The following PKD1L3 variants were observed in gnomAD, a reference collection of about 807,000 sequenced individuals.
The protein encoded by PKD1L3 is polycystin-1-like protein 3.
In PKD1L3, 239 loss-of-function variants were observed where a neutral mutation model predicts 184.1. The observed-to-expected ratio is 1.30, with a 90% CI of 1.17 to 1.45. PKD1L3 has a LOEUF of 1.45. PKD1L3 is among the 40% of genes most tolerant of loss of function. PKD1L3 has a pLI of 0.00. For missense variants in PKD1L3, 2,660 were observed against 2,067.2 expected (o/e 1.29, Z -5.56); for synonymous variants, 996 against 778.8 (o/e 1.28, Z -4.64).
intron 11 of PKD1L3, among the ~76,000 whole-genome samples, chr16:71,975,415 T>C (rs1486365110): frequency 6.6e-6 from 1 of 152,142 alleles, no homozygotes; most frequent in East Asian, 1.9e-4. Context: ...TAAACTACAA[T>C]ACATTCATTC....
intron 17 of PKD1L3, among the ~76,000 whole-genome samples, chr16:71,953,788 T>A (rs984485189): frequency 1.3e-5 from 2 of 151,884 alleles, no homozygotes; most frequent in South Asian, 4.2e-4. Flanking sequence ...CAGCAAGTCC[T>A]CCCCCCGCCC....
chr16:71,944,061 C>A lies in PKD1L3; in HGVS notation c.3828G>T (p.Lys1276Asn), dbSNP rs1180601161. Reference protein sequence around the residue: ...TKHPERTLKKKKLFKLTGDIL... With the variant: ...TKHPERTLKKNKLFKLTGDIL... ...TATCTCCAGTCAGCTTGAAGAGTTT[C>A]TTCTTTTTCAAGGTTCTTTCTGGGT... is the stretch of plus-strand genomic sequence containing the variant. Residue 1276 changes from lysine to asparagine, a missense_variant, in exon 23 of 30, where the codon AAG becomes AAT. Coordinates refer to ENST00000620267, the MANE Select transcript of PKD1L3 (RefSeq NM_181536.2). 6.4e-7 allele frequency: 1 copy of A among 1,552,022 alleles called. No homozygotes were observed. The highest frequency in any genetic ancestry group is 1.2e-5 in the South Asian group (1 of 84,044).
rs969494265 is a variant in PKD1L3 at position 71,970,096 on chromosome 16, G to C, written c.1963C>G (p.Gln655Glu). Residue 655 changes from glutamine to glutamate, a missense_variant, in exon 13 of 30, where the codon CAG becomes GAG. Coordinates refer to ENST00000620267, the MANE Select transcript of PKD1L3 (RefSeq NM_181536.2). ...CACTGTGTCCTCAGAATTGTGCTCT[G>C]TGGCCCAACCTGGAATTAGAATCAA... is the stretch of plus-strand genomic sequence containing the variant. ...WSSAGCQVGP[Q>E]STILRTQCLC... The C allele has an allele frequency of 1.3e-6, 2 of 1,551,492 alleles. No homozygotes were observed. Among genetic ancestry groups the C allele is most frequent in the Non-Finnish European group, 1.7e-6 (2 of 1,146,852 alleles).
chr16:71,961,475 T>TAC (rs965182761), intron 16 of PKD1L3, among the ~76,000 whole-genome samples: 10 of 152,092 alleles, frequency 6.6e-5, no homozygotes, highest in Non-Finnish European at 1.5e-4. Flanking sequence ...CTAAAGCCCC[T>TAC]ACTTAGTTCT....
intron 3 of PKD1L3, chr16:71,991,232 T>G: frequency 4.4e-6 from 1 of 227,912 alleles, no homozygotes; most frequent in Non-Finnish European, 9.9e-6. Context: ...CCGAATCCAC[T>G]GGGGAATAAA....
chr16:71,974,206 TAGGGACCGG>T (rs2039833194), intron 11 of PKD1L3, among the ~76,000 whole-genome samples: 1 of 152,120 alleles, frequency 6.6e-6, no homozygotes, highest in South Asian at 2.1e-4. Flanking sequence ...GACTGCACGC[TAGGGACCGG>T]AGGTCGGGCC....
intron 11 of PKD1L3, among the ~76,000 whole-genome samples, chr16:71,976,899 C>T (rs2039945796): frequency 1.3e-5 from 2 of 149,712 alleles, no homozygotes; most frequent in Admixed American, 6.6e-5. Context: ...CCTGCCACCA[C>T]ACCTGGCTAA....
rs556727370 is a variant in PKD1L3 at position 71,954,998 on chromosome 16, C to CA, written c.2613-698dup. Among the ~76,000 whole-genome samples the CA allele has an allele frequency of 8.6e-5, 13 of 151,898 alleles. No homozygotes were observed. The South Asian group carries it at 2.7e-3, about 32-fold the overall frequency. On this transcript the variant is annotated intron_variant, in intron 16 of 29. Transcript: ENST00000620267. Reference sequence around the variant, plus strand: ...GAGCTCATGAAAGGATACTTGAGAACAAAAAAACCTCTGTAGGGCTACACA... The same window carrying CA: ...GAGCTCATGAAAGGATACTTGAGAACAAAAAAAACCTCTGTAGGGCTACACA...
At position 71,933,100 on chromosome 16, in the gene PKD1L3, A is replaced by G. The variant is rs79942416; in HGVS notation, c.4926+320T>C. Among the ~76,000 whole-genome samples the G allele has an allele frequency of 7.2e-4, 109 of 152,232 alleles. 3 individuals carry two copies. In the East Asian group the frequency reaches 0.017, roughly 23 times the overall value. On this transcript the variant is annotated intron_variant, in intron 28 of 29. Coordinates refer to ENST00000620267, the MANE Select transcript of PKD1L3 (RefSeq NM_181536.2). ...CCTGTTAATGCACTTTCAAGGGGCC[A>G]TTGAGAAGCAGAGAATCTTGTTAAT... is the stretch of plus-strand genomic sequence containing the variant.
chr16:71,953,137 A>T, intron 17 of PKD1L3, 44 bp from the exon 18 acceptor site: 2 of 1,383,174 alleles, frequency 1.4e-6, no homozygotes, highest in Non-Finnish European at 1.9e-6. Flanking sequence ...CAACAATTAA[A>T]ATAATCGCAA....
At chr16:71,939,992 G>C (rs1163740357) in intron 24 of PKD1L3, among the ~76,000 whole-genome samples, 1 of 152,168 alleles carries the variant, frequency 6.6e-6, no homozygotes, top group Non-Finnish European at 1.5e-5. Context: ...TAAGGCAGCT[G>C]TACAGGAAAC....
At chr16:71,986,495 A>G in intron 4 of PKD1L3, 26 bp from the exon 5 acceptor site, 1 of 1,539,090 alleles carries the variant, frequency 6.5e-7, no homozygotes, top group South Asian at 1.2e-5. Context: ...ATGTAAAGGA[A>G]AAGACTGAAT....
rs1427628435 is a variant in PKD1L3, at chr16:71,986,476, G to C, written c.586-7C>G. ...GATGACACAGGGTCTTGGACTAAAA[G>C]ATAAAAATATGTAAAGGAAAAGACT... is the stretch of plus-strand genomic sequence containing the variant. On this transcript the variant is annotated splice_region_variant and splice_polypyrimidine_tract_variant and intron_variant, in intron 4 of 29. Transcript: ENST00000620267. 6 of 1,544,268 alleles carry C rather than the reference G, an allele frequency of 3.9e-6. No individual in the cohort carries two copies. Among genetic ancestry groups the C allele is most frequent in the Non-Finnish European group, 4.4e-6 (5 of 1,142,762 alleles).
chr16:71,975,633 G>T (rs984013993), intron 11 of PKD1L3, among the ~76,000 whole-genome samples: 17 of 152,188 alleles, frequency 1.1e-4, no homozygotes, highest in Admixed American at 1.0e-3. Flanking sequence ...ACCATACAAA[G>T]AATTTTACAG....
At chr16:71,988,979 CTTG>C (rs1338491564) in intron 4 of PKD1L3, among the ~76,000 whole-genome samples, 3 of 152,174 alleles carry the variant, frequency 2.0e-5, no homozygotes, top group Non-Finnish European at 2.9e-5. Context: ...AGAATTTTAC[CTTG>C]TTTTTAAGAA....
At chr16:71,953,841 A>G (rs986172128) in intron 17 of PKD1L3, among the ~76,000 whole-genome samples, 1 of 152,184 alleles carries the variant, frequency 6.6e-6, no homozygotes, top group Non-Finnish European at 1.5e-5. Flanking sequence ...TTGGGTGGGG[A>G]CACAGAGCCA....
Position 71,952,910 on chromosome 16 carries a change from G to T in PKD1L3, c.2993C>A (p.Ala998Asp). ...CAATCTTACCTCAACTACCATTGTG[G>T]CAGAGAGAGGCTCAACAGAAGCATC... ...LSDASVEPLSATMVVEELKET... is the reference protein window; with the variant it reads ...LSDASVEPLSDTMVVEELKET... The change falls in exon 18 of 30, where the codon GCC becomes GAC. Residue 998 changes from alanine (A) to aspartate (D), a missense_variant. Ala to Asp is a moderately radical substitution (Grantham distance 126). Coordinates refer to ENST00000620267, the MANE Select transcript of PKD1L3 (RefSeq NM_181536.2). 6.5e-7 allele frequency: 1 copy of T among 1,547,006 alleles called. No individual in the cohort carries two copies. Among genetic ancestry groups the T allele is most frequent in the Admixed American group, 2.0e-5 (1 of 49,532 alleles).
rs771779497 is a variant in PKD1L3 at position 71,980,050 on chromosome 16, A to G, written c.1228T>C (p.Ser410Pro). The change falls in exon 8 of 30, where the codon TCA (serine) becomes CCA (proline). Residue 410 changes from serine to proline, a missense_variant. Ser to Pro is a moderately conservative substitution (Grantham distance 74). Coordinates refer to ENST00000620267, the MANE Select transcript of PKD1L3 (RefSeq NM_181536.2). ...GCATTGGCAGAGGTCAAAGTCACTG[A>G]AGACTCGGGAGACTGGTTCTGCTCT... ...FLEQNQSPES[S>P]VTLTSANATL... The G allele has an allele frequency of 6.4e-7, 1 of 1,551,970 alleles. No homozygotes were observed. Among genetic ancestry groups the G allele is most frequent in the South Asian group, 1.2e-5 (1 of 84,056 alleles).
In PKD1L3 at chr16:71,982,056, T is replaced by C. The variant is rs190896995; in HGVS notation, c.1143+3A>G. The C allele has an allele frequency of 6.5e-7, 1 of 1,541,186 alleles. No individual in the cohort carries two copies. The highest frequency in any genetic ancestry group is 1.4e-5 in the African/African-American group (1 of 72,646). On this transcript the variant is annotated splice_donor_region_variant and intron_variant, in intron 7 of 29. Coordinates refer to ENST00000620267, the MANE Select transcript of PKD1L3 (RefSeq NM_181536.2). ...TCTGGCCACCTGCATATCTGGCACC[T>C]ACCGGCTCAGTATGACGCTTGGATT...
Sources: gnomAD v4.1 joint callset for allele counts (sites outside exome capture counted in the v4.1 genomes callset) on GRCh38, gnomAD v4.1.1 for gene constraint, MANE v1.5 for transcripts, NCBI Gene and HGNC (gene_info 2026-07-23, HGNC 2026-07-21) for gene names.